Variants in PCDHGA11 observed in about 807,000 individuals in gnomAD.
The protein encoded by PCDHGA11 is protocadherin gamma subfamily A, 11.
A neutral mutation model predicts 60.4 loss-of-function variants in PCDHGA11; 39 were observed. That is an observed-to-expected ratio of 0.65 (90% CI 0.50 to 0.84). PCDHGA11 has a LOEUF of 0.84. Ranked by LOEUF, PCDHGA11 falls within the 40% of genes least tolerant of loss-of-function variation. The pLI is 0.00. For synonymous variants in PCDHGA11, 533 were observed against 510.3 expected (o/e 1.04, Z -0.60); for missense variants, 1,165 against 1,197.7 (o/e 0.97, Z 0.40).
chr5:141,508,647 C>T (rs1301017914), intron 3 of PCDHGA11, among the ~76,000 whole-genome samples: 4 of 152,090 alleles, frequency 2.6e-5, no homozygotes, highest in African/African-American at 9.7e-5. Flanking sequence ...CTCCGTCAGG[C>T]CCTTCCTGTC....
chr5:141,444,146 T>C (rs2098418879), intron 1 of PCDHGA11, among the ~76,000 whole-genome samples: 2 of 145,824 alleles, frequency 1.4e-5, no homozygotes, highest in South Asian at 4.3e-4. Flanking sequence ...CACTTGTGTG[T>C]ACTGGATTTT....
In PCDHGA11 at chr5:141,487,460, G is replaced by T; in HGVS notation, c.2434-7347G>T. ...AGGGTCAGATGACCCTATCAAGTTT[G>T]TTGATGTGGGAGGCCACTCTCATGG... On this transcript the variant is annotated intron_variant, in intron 1 of 3. Transcript: ENST00000398587. The surrounding 1 kb of genome is among the most constrained non-coding windows in gnomAD (Gnocchi z 5.0). 1 of 1,614,170 alleles carries T rather than the reference G, an allele frequency of 6.2e-7. No individual in the cohort carries two copies. Among genetic ancestry groups the T allele is most frequent in the Non-Finnish European group, 8.5e-7 (1 of 1,180,024 alleles).
At chr5:141,506,955 C>G (rs1387377785) in intron 3 of PCDHGA11, 1 of 152,244 alleles carries the variant, frequency 6.6e-6, no homozygotes, top group Non-Finnish European at 1.5e-5. Context: ...AATGAATCCT[C>G]TCAATAGCTC....
chr5:141,422,040 C>T lies in PCDHGA11; in HGVS notation c.813C>T (p.Asp271=), dbSNP rs1045003805. The change falls in exon 1 of 4, where the codon GAC becomes GAT. Residue 271 remains aspartate (D), a synonymous_variant. Transcript: ENST00000398587. The stretch of plus-strand genomic sequence containing the variant: ...TGATGGTTAATGCAACGGATCCAGA[C>T]GAGGGAATCAACGGGGAAGTAATGT... ...RVLMVNATDP[D]EGINGEVMYS... 6.2e-6 allele frequency: 10 copies of T among 1,611,324 alleles called. No individual in the cohort carries two copies. Among genetic ancestry groups the T allele is most frequent in the African/African-American group, 4.0e-5 (3 of 74,704 alleles).
Position 141,485,920 on chromosome 5 carries a change from T to C in PCDHGA11, c.2434-8887T>C, listed in dbSNP as rs1374948804. ...CCTTCCAGCAATCCAGCTACAGGAT[T>C]AGTGTGTTGGAGAGCGCACCAGCGG... On this transcript the variant is annotated intron_variant, in intron 1 of 3. Transcript: ENST00000398587. This position sits in a 1 kb window ranked among gnomAD's most constrained non-coding sequence, Gnocchi z 5.7. 1.2e-6 allele frequency: 2 copies of C among 1,614,038 alleles called. No individual in the cohort carries two copies. Among genetic ancestry groups the C allele is most frequent in the Non-Finnish European group, 1.7e-6 (2 of 1,180,010 alleles).
intron 1 of PCDHGA11, among the ~76,000 whole-genome samples, chr5:141,437,922 G>A (rs1039507511): frequency 1.3e-5 from 2 of 152,106 alleles, no homozygotes; most frequent in Admixed American, 6.5e-5. Context: ...ATTTTTAGTA[G>A]AGATGGGGTT....
chr5:141,435,591 T>G (rs1197622032), intron 1 of PCDHGA11, among the ~76,000 whole-genome samples: 1 of 152,206 alleles, frequency 6.6e-6, no homozygotes, highest in Admixed American at 6.5e-5. Flanking sequence ...TGCAGTAATA[T>G]CGCCTGCTTT....
At chr5:141,509,968 C>A (rs1450809995) in intron 3 of PCDHGA11, among the ~76,000 whole-genome samples, 1 of 152,166 alleles carries the variant, frequency 6.6e-6, no homozygotes, top group Non-Finnish European at 1.5e-5. Context: ...TGGCCTTGGT[C>A]CTTCTAACAC....
chr5:141,458,385 C>T (rs1371423838), intron 1 of PCDHGA11, among the ~76,000 whole-genome samples: 15 of 152,104 alleles, frequency 9.9e-5, no homozygotes, highest in East Asian at 1.9e-4. Context: ...AGAAGGAAGA[C>T]GCTCCCCCTT....
chr5:141,422,009 G>C lies in PCDHGA11; in HGVS notation c.782G>C (p.Arg261Pro), dbSNP rs1483710075. 1 of 1,609,752 alleles carries C rather than the reference G, an allele frequency of 6.2e-7. No homozygotes were observed. The highest frequency in any genetic ancestry group is 8.5e-7 in the Non-Finnish European group (1 of 1,178,218). The stretch of plus-strand genomic sequence containing the variant: ...CCAGAAAACATCAGCTCCGGAACTC[G>C]GGTGCTGATGGTTAATGCAACGGAT... ...SVPENISSGT[R>P]VLMVNATDPD... Residue 261 changes from arginine (R) to proline (P), a missense_variant, in exon 1 of 4, where the codon CGG (arginine) becomes CCG (proline). Transcript: ENST00000398587.
chr5:141,501,333 A>ACACACACC (rs1186649373), intron 2 of PCDHGA11, among the ~76,000 whole-genome samples: 1 of 140,020 alleles, frequency 7.1e-6, no homozygotes, highest in African/African-American at 2.6e-5. Context: ...ACACACACAC[A>ACACACACC]CCCCAAACTC....
chr5:141,453,052 G>A (rs1299518260), intron 1 of PCDHGA11, among the ~76,000 whole-genome samples: 2 of 152,062 alleles, frequency 1.3e-5, no homozygotes, highest in East Asian at 3.9e-4. Flanking sequence ...ATTATGTGCA[G>A]TTTTAGAGTT....
intron 1 of PCDHGA11, among the ~76,000 whole-genome samples, chr5:141,472,980 C>CAAA (rs60579131): frequency 5.8e-5 from 5 of 86,104 alleles, no homozygotes; most frequent in Non-Finnish European, 1.0e-4. Context: ...GAGTGAAACT[C>CAAA]AAAAAAAAAA....
rs905837179 is a variant in PCDHGA11 at position 141,478,541 on chromosome 5, G to A, written c.2434-16266G>A. ...GTTGGGTGCAGAGAGCGCCCCTCCCGGACAGGTAAGGTTTAGCAAGTCATG... is the reference window on the plus strand; with the variant it reads ...GTTGGGTGCAGAGAGCGCCCCTCCCAGACAGGTAAGGTTTAGCAAGTCATG... On this transcript the variant is annotated intron_variant, in intron 1 of 3. Coordinates refer to ENST00000398587, the MANE Select transcript of PCDHGA11 (RefSeq NM_018914.3). 4 of 1,605,470 alleles carry A rather than the reference G, an allele frequency of 2.5e-6. No homozygotes were observed. The Admixed American group carries it at 5.2e-5, about 21-fold the overall frequency.
rs1030000451 is a variant in PCDHGA11, at chr5:141,432,417, T to G, written c.2433+8757T>G. 2.5e-6 allele frequency: 4 copies of G among 1,614,124 alleles called. No individual in the cohort carries two copies. In the African/African-American group the frequency reaches 5.3e-5, roughly 22 times the overall value. On this transcript the variant is annotated intron_variant, in intron 1 of 3. Coordinates refer to ENST00000398587, the MANE Select transcript of PCDHGA11 (RefSeq NM_018914.3). This position sits in a 1 kb window ranked among gnomAD's most constrained non-coding sequence, Gnocchi z 6.0. The stretch of plus-strand genomic sequence containing the variant: ...AACGTGTCGTTGAGCCTGTTCGTGC[T>G]GGACCAGAACGACAATGCGCCCGAG...
Position 141,486,572 on chromosome 5 carries a change from A to G in PCDHGA11, c.2434-8235A>G. 1 of 1,613,876 alleles carries G rather than the reference A, an allele frequency of 6.2e-7. No individual in the cohort carries two copies. Among genetic ancestry groups the G allele is most frequent in the Non-Finnish European group, 8.5e-7 (1 of 1,180,002 alleles). ...GTCACATGAGGTGTTTGTTCCTGAG[A>G]ACAATCGCCCAGGGGACCTGCTTTG... is the stretch of plus-strand genomic sequence containing the variant. On this transcript the variant is annotated intron_variant, in intron 1 of 3. Coordinates refer to ENST00000398587, the MANE Select transcript of PCDHGA11 (RefSeq NM_018914.3). This position sits in a 1 kb window ranked among gnomAD's most constrained non-coding sequence, Gnocchi z 5.0.
intron 2 of PCDHGA11, among the ~76,000 whole-genome samples, chr5:141,503,598 C>CAAAAAAA (rs765754054): frequency 1.5e-5 from 1 of 65,730 alleles, no homozygotes; most frequent in Non-Finnish European, 3.4e-5. Flanking sequence ...GACTCCAGCT[C>CAAAAAAA]AAAAAAAAAA....
chr5:141,483,166 A>G (rs1288499520), intron 1 of PCDHGA11, among the ~76,000 whole-genome samples: 1 of 152,138 alleles, frequency 6.6e-6, no homozygotes, highest in Non-Finnish European at 1.5e-5. Flanking sequence ...ATCCTGAGTT[A>G]CCTTTGGGCC....
chr5:141,476,318 G>T lies in PCDHGA11; in HGVS notation c.2434-18489G>T. 3 of 1,614,202 alleles carry T rather than the reference G, an allele frequency of 1.9e-6. No homozygotes were observed. The highest frequency in any genetic ancestry group is 2.5e-6 in the Non-Finnish European group (3 of 1,180,052). The stretch of plus-strand genomic sequence containing the variant: ...TAGCCTCTCAGCCCGCAGGTTCCGG[G>T]TGGTGTCTGGAGCTAGCCGAAGATT... On this transcript the variant is annotated intron_variant, in intron 1 of 3. Transcript: ENST00000398587. This position sits in a 1 kb window ranked among gnomAD's most constrained non-coding sequence, Gnocchi z 7.6.
Sources: allele counts gnomAD v4.1 joint callset (sites outside exome capture counted in the v4.1 genomes callset), GRCh38; gene constraint gnomAD v4.1.1; non-coding constraint Gnocchi (gnomAD v3.1); transcripts MANE v1.5; gene names NCBI Gene and HGNC (gene_info 2026-07-23, HGNC 2026-07-21).